The following TBC1D32 variants were observed in gnomAD, a reference collection of about 807,000 sequenced individuals.
The protein encoded by TBC1D32 is TBC1 domain family member 32.
Under a neutral mutation model 170.3 loss-of-function variants are expected in TBC1D32, and 151 were observed. The ratio of observed to expected loss-of-function variants is 0.89; its 90% confidence interval spans 0.78 to 1.01. The LOEUF (loss-of-function observed/expected upper bound fraction) is 1.01, where lower values mean the gene tolerates loss of function less well. TBC1D32 is among the 50% of genes least tolerant of loss of function. The pLI is 0.00. For missense variants in TBC1D32, 1,464 were observed against 1,457.1 expected (o/e 1.00, Z -0.08); for synonymous variants, 498 against 488.0 (o/e 1.02, Z -0.27).
At chr6:121,223,510 A>C (rs1162514871) in intron 20 of TBC1D32, among the ~76,000 whole-genome samples, 158 bp from the exon 21 acceptor site, 1 of 152,210 alleles carries the variant, frequency 6.6e-6, no homozygotes, top group African/African-American at 2.4e-5. Context: ...ATAAGTACAA[A>C]ACAGTTAACA....
chr6:121,325,925 C>T (rs1045320027), intron 1 of TBC1D32, among the ~76,000 whole-genome samples: 5 of 151,234 alleles, frequency 3.3e-5, no homozygotes, highest in Non-Finnish European at 7.4e-5. Context: ...AACAAATTTA[C>T]AAGAAAAAAA....
At chr6:121,305,526 T>A (rs1217365852) in intron 5 of TBC1D32, among the ~76,000 whole-genome samples, 3 of 151,286 alleles carry the variant, frequency 2.0e-5, no homozygotes, top group African/African-American at 7.3e-5. Flanking sequence ...TTGCCTTAAA[T>A]AGTCTAATCT....
chr6:121,181,784 T>C (rs1788549170), intron 22 of TBC1D32, among the ~76,000 whole-genome samples: 1 of 152,114 alleles, frequency 6.6e-6, no homozygotes, highest in African/African-American at 2.4e-5. Flanking sequence ...CGGAATATTA[T>C]TCAGCCATCA....
intron 20 of TBC1D32, among the ~76,000 whole-genome samples, chr6:121,228,193 T>A (rs1053713560): frequency 6.6e-6 from 1 of 152,084 alleles, no homozygotes; most frequent in South Asian, 2.1e-4. Flanking sequence ...GTGAGGGGTT[T>A]ATCACCTTTA....
At chr6:121,213,210 T>A (rs1175998382) in intron 21 of TBC1D32, among the ~76,000 whole-genome samples, 1 of 151,878 alleles carries the variant, frequency 6.6e-6, no homozygotes, top group Non-Finnish European at 1.5e-5. Flanking sequence ...AGCAATCAGG[T>A]AAGAGAAACA....
At chr6:121,170,495 G>C (rs1360495510) in intron 22 of TBC1D32, 2 of 1,606,028 alleles carry the variant, frequency 1.2e-6, no homozygotes, top group Non-Finnish European at 1.7e-6. Flanking sequence ...CAGGAGAAGA[G>C]TGTCCAGATC....
At chr6:121,198,384 C>T (rs1791102669) in intron 22 of TBC1D32, among the ~76,000 whole-genome samples, 1 of 149,574 alleles carries the variant, frequency 6.7e-6, no homozygotes, top group African/African-American at 2.5e-5. Flanking sequence ...TACACAGATC[C>T]AAATGCCACA....
rs565080557 is a variant in TBC1D32 at position 121,328,744 on chromosome 6, T to C, written c.155+5532A>G. Among the ~76,000 whole-genome samples, 316 of 152,360 alleles carry C rather than the reference T, an allele frequency of 2.1e-3. 1 individual carries two copies. Among genetic ancestry groups the C allele is most frequent in the African/African-American group, 7.3e-3 (304 of 41,594 alleles). Reference sequence around the variant, plus strand: ...GCAAAACACCTGACCTTACTTTCAATTGCCCACTACTTAATGGTGATGATA... The same window carrying C: ...GCAAAACACCTGACCTTACTTTCAACTGCCCACTACTTAATGGTGATGATA... On this transcript the variant is annotated intron_variant, in intron 1 of 31. Coordinates refer to ENST00000398212, the MANE Select transcript of TBC1D32 (RefSeq NM_152730.6).
intron 22 of TBC1D32, among the ~76,000 whole-genome samples, chr6:121,190,078 ACACAC>A (rs1562834100): frequency 0.16 from 4,436 of 28,128 alleles, 281 homozygotes; most frequent in Admixed American, 0.35. Context: ...ATACAGACAC[ACACAC>A]ACACACACAC....
At position 121,313,293 on chromosome 6, in the gene TBC1D32, T is replaced by TTTG. The variant is rs1491141227; in HGVS notation, c.496-2447_496-2446insCAA. On this transcript the variant is annotated intron_variant, in intron 3 of 31. Transcript: ENST00000398212. ...GCCTTAATTTTTTTTTTTTTTTTTT[T>TTTG]GAGACGGCATCTCACTCTGTCGCCC... 7.8e-3 allele frequency among the ~76,000 whole-genome samples: 1,058 copies of TTTG among 135,886 alleles called. 20 individuals carry two copies. Among genetic ancestry groups the TTTG allele is most frequent in the African/African-American group, 0.029 (998 of 34,630 alleles). The allele number at this position is 135,886 out of a possible 152,430, so 89.1% of individuals were successfully genotyped here.
intron 22 of TBC1D32, among the ~76,000 whole-genome samples, chr6:121,173,535 CCT>C (rs1269216895): frequency 6.6e-6 from 1 of 151,892 alleles, no homozygotes; most frequent in Non-Finnish European, 1.5e-5. Flanking sequence ...AATGCCTAAT[CCT>C]CTGTTTTCAA....
intron 15 of TBC1D32, among the ~76,000 whole-genome samples, chr6:121,274,864 T>C (rs772126028): frequency 2.0e-5 from 3 of 152,196 alleles, no homozygotes; most frequent in Non-Finnish European, 4.4e-5. Flanking sequence ...TCCTGGACTT[T>C]GGTATTTTAA....
At chr6:121,186,011 A>G (rs190841772) in intron 22 of TBC1D32, among the ~76,000 whole-genome samples, 1 of 152,246 alleles carries the variant, frequency 6.6e-6, no homozygotes, top group East Asian at 1.9e-4. Flanking sequence ...CCTGTAATAC[A>G]TGAGTCTATG....
At chr6:121,092,169 C>A (rs187275713) in intron 30 of TBC1D32, among the ~76,000 whole-genome samples, 160 of 151,998 alleles carry the variant, frequency 1.1e-3, no homozygotes, top group African/African-American at 3.3e-3. Context: ...TACTTTGTTA[C>A]TATAGTCATA....
At chr6:121,258,346 T>C (rs1799310042) in intron 15 of TBC1D32, among the ~76,000 whole-genome samples, 1 of 152,158 alleles carries the variant, frequency 6.6e-6, no homozygotes, top group African/African-American at 2.4e-5. Context: ...TTCTTTTCTC[T>C]GCATGAATAT....
chr6:121,332,694 A>T (rs971583268), intron 1 of TBC1D32, among the ~76,000 whole-genome samples: 17 of 152,172 alleles, frequency 1.1e-4, no homozygotes, highest in African/African-American at 3.6e-4. Context: ...TTATTACATG[A>T]GTTTACAAAA....
intron 26 of TBC1D32, among the ~76,000 whole-genome samples, chr6:121,122,601 A>G (rs182772118): frequency 6.6e-6 from 1 of 152,192 alleles, no homozygotes; most frequent in East Asian, 1.9e-4. Flanking sequence ...TTATATGAAA[A>G]CTATTTAATA....
chr6:121,112,480 C>T, intron 29 of TBC1D32, 25 bp downstream of exon 29: 1 of 1,571,690 alleles, frequency 6.4e-7, no homozygotes, highest in African/African-American at 1.4e-5. Context: ...TCAAACCCTC[C>T]TTTAAAAACA....
At chr6:121,187,864 T>C (rs1789410267) in intron 22 of TBC1D32, among the ~76,000 whole-genome samples, 2 of 152,080 alleles carry the variant, frequency 1.3e-5, no homozygotes, top group South Asian at 4.1e-4. Context: ...AGTTTATGTT[T>C]TCACAAATAT....
Sources: gnomAD v4.1 joint callset for allele counts (sites outside exome capture counted in the v4.1 genomes callset) on GRCh38, gnomAD v4.1.1 for gene constraint, MANE v1.5 for transcripts, NCBI Gene and HGNC (gene_info 2026-07-23, HGNC 2026-07-21) for gene names.